Variants in OTC observed in about 807,000 individuals in gnomAD.
The protein encoded by OTC is ornithine transcarbamylase, also known as ornithine transcarbamylase, mitochondrial.
A neutral mutation model predicts 30.3 loss-of-function variants in OTC; 3 were observed. The observed-to-expected ratio is 0.10, with a 90% CI of 0.05 to 0.26. OTC has a LOEUF of 0.26. OTC is among the 10% of genes least tolerant of loss of function. The probability of loss-of-function intolerance (pLI) is 1.00; values close to 1 mark genes in which losing one functional copy is unlikely to be tolerated. For synonymous variants in OTC, 111 were observed against 99.7 expected, an observed-to-expected ratio of 1.11 and a Z score of -0.67; for missense variants, 194 against 260.3, an observed-to-expected ratio of 0.75 and a Z score of 1.75.
At chrX:38,379,940 A>C (rs958716976) in intron 3 of OTC, among the ~76,000 whole-genome samples, 23 of 112,220 alleles carry the variant, frequency 2.0e-4, no homozygotes, top group Non-Finnish European at 5.6e-5. Context: ...AGATTAGCAT[A>C]ATGAGCATAC....
chrX:38,339,705 C>T, the OTC span, among the ~76,000 whole-genome samples: 1 of 110,723 alleles, frequency 9.0e-6, no homozygotes, highest in East Asian at 2.8e-4. Context: ...TACCCTTTAA[C>T]GTTTTATGTT....
chrX:38,394,849 A>G (rs1284268886), intron 4 of OTC, among the ~76,000 whole-genome samples: 1 of 109,900 alleles, frequency 9.1e-6, no homozygotes, highest in Non-Finnish European at 1.9e-5. Flanking sequence ...CTTGGGCACA[A>G]TGTACATACG....
rs111577371 is a variant in OTC at position 38,376,249 on chromosome X, A to T, written c.299-5093A>T. On this transcript the variant is annotated intron_variant, in intron 3 of 9. Coordinates refer to ENST00000039007, the MANE Select transcript of OTC (RefSeq NM_000531.6). ...GCTTTGCTGCAAAGGGGAGCAAACAATTAAAGGAATACTTGTCAGGGAAAT... is the reference window on the plus strand; with the variant it reads ...GCTTTGCTGCAAAGGGGAGCAAACATTTAAAGGAATACTTGTCAGGGAAAT... Among the ~76,000 whole-genome samples the T allele has an allele frequency of 7.4e-3, 827 of 111,924 alleles. 6 individuals are homozygous for T. Among genetic ancestry groups the T allele is most frequent in the Middle Eastern group, 0.018 (4 of 218 alleles).
intron 8 of OTC, among the ~76,000 whole-genome samples, chrX:38,409,302 T>G (rs2068531871): frequency 8.9e-6 from 1 of 111,901 alleles, no homozygotes; most frequent in Non-Finnish European, 1.9e-5. Context: ...GTTTTACTCT[T>G]TGTGTGTTTA....
chrX:38,360,227 C>A (rs1038997134), intron 1 of OTC, among the ~76,000 whole-genome samples: 1 of 111,235 alleles, frequency 9.0e-6, no homozygotes, highest in African/African-American at 3.3e-5. Context: ...TGCCTGAATT[C>A]TTTCTTATAC....
intron 4 of OTC, among the ~76,000 whole-genome samples, chrX:38,386,857 T>A (rs1438682084): frequency 8.9e-6 from 1 of 112,322 alleles, no homozygotes; most frequent in Non-Finnish European, 1.9e-5. Flanking sequence ...TATGTTCAAT[T>A]TTTCAAGGAA....
At chrX:38,391,693 G>T (rs1336880764) in intron 4 of OTC, among the ~76,000 whole-genome samples, 1 of 110,946 alleles carries the variant, frequency 9.0e-6, no homozygotes, top group Non-Finnish European at 1.9e-5. Context: ...GGGTCATTTT[G>T]ACCTAACTCC....
the OTC span, among the ~76,000 whole-genome samples, chrX:38,344,242 C>T: frequency 1.2e-3 from 64 of 51,581 alleles, 1 homozygote; most frequent in Non-Finnish European, 2.0e-3. Flanking sequence ...TATATATATA[C>T]ACACACACAC....
chrX:38,399,935 C>A (rs2068476513), intron 4 of OTC, among the ~76,000 whole-genome samples: 1 of 111,061 alleles, frequency 9.0e-6, no homozygotes, highest in Non-Finnish European at 1.9e-5. Context: ...AAATCTCTAT[C>A]CCCACTGACC....
At chrX:38,358,284 CCTGTGTCAGAA>C (rs1569271757) in intron 1 of OTC, among the ~76,000 whole-genome samples, 17 of 110,356 alleles carry the variant, frequency 1.5e-4, no homozygotes, top group Non-Finnish European at 3.2e-4. Flanking sequence ...AAAAAGGAGG[CCTGTGTCAGAA>C]CTGTTTTAAT....
At chrX:38,418,614 T>A (rs1602037804) in intron 9 of OTC, among the ~76,000 whole-genome samples, 1 of 112,049 alleles carries the variant, frequency 8.9e-6, no homozygotes, top group Non-Finnish European at 1.9e-5. Flanking sequence ...GGATTGTAGC[T>A]CCCATAATTC....
intron 4 of OTC, among the ~76,000 whole-genome samples, chrX:38,386,097 C>T (rs754151372): frequency 2.9e-5 from 3 of 101,914 alleles, no homozygotes; most frequent in South Asian, 4.5e-4. Context: ...AAAAAAAGGC[C>T]GATGCAGTGG....
the OTC span, among the ~76,000 whole-genome samples, chrX:38,337,458 T>C: frequency 4.5e-5 from 5 of 111,823 alleles, no homozygotes; most frequent in Non-Finnish European, 9.4e-5. Context: ...GCCTCCAGTC[T>C]CTAATCTTGT....
the OTC span, among the ~76,000 whole-genome samples, chrX:38,344,244 C>T: frequency 1.3e-5 from 1 of 76,473 alleles, no homozygotes; most frequent in Non-Finnish European, 3.2e-5. Flanking sequence ...TATATATACA[C>T]ACACACACAC....
rs775950421 is a variant in OTC, at chrX:38,408,812, T to G, written c.717+17T>G. 6.6e-6 allele frequency: 8 copies of G among 1,206,275 alleles called. No individual in the cohort carries two copies. The Admixed American group carries it at 1.7e-4, about 26-fold the overall frequency. The stretch of plus-strand genomic sequence containing the variant: ...GCCAAAGAGGTATGCTCTTTACATG[T>G]AAAGCTATTATTGCCTTTTACTGTC... On this transcript the variant is annotated intron_variant, in intron 7 of 9. Transcript: ENST00000039007.
intron 1 of OTC, among the ~76,000 whole-genome samples, chrX:38,356,599 C>T (rs1300472745): frequency 9.0e-6 from 1 of 111,545 alleles, no homozygotes. Context: ...AGGTGCAGTG[C>T]GAACTTCCCC....
At chrX:38,421,871 C>T (rs1241087456), downstream of OTC, among the ~76,000 whole-genome samples, 2 of 111,537 alleles carry the variant, frequency 1.8e-5, no homozygotes, top group Non-Finnish European at 3.8e-5. Flanking sequence ...CTACTCACAC[C>T]ATATGCTGAA....
intron 4 of OTC, among the ~76,000 whole-genome samples, chrX:38,399,190 A>G (rs1005236774): frequency 9.0e-6 from 1 of 110,845 alleles, no homozygotes; most frequent in Non-Finnish European, 1.9e-5. Flanking sequence ...CAAATGAATC[A>G]CCTGGAAACC....
In OTC at chrX:38,400,311, T is replaced by C. The variant is rs12011670; in HGVS notation, c.387-964T>C. ...CTTTAAGTCTAGAAAAATATTGTTA[T>C]AGGAATATAGTTTTTAATCTTTGAT... On this transcript the variant is annotated intron_variant, in intron 4 of 9. Transcript: ENST00000039007. Among the ~76,000 whole-genome samples, 676 of 111,665 alleles carry C rather than the reference T, an allele frequency of 6.1e-3. 4 individuals are homozygous for C. Among genetic ancestry groups the C allele is most frequent in the African/African-American group, 0.021 (642 of 30,742 alleles).
Sources: gnomAD v4.1 joint callset for allele counts (sites outside exome capture counted in the v4.1 genomes callset) on GRCh38, gnomAD v4.1.1 for gene constraint, MANE v1.5 for transcripts, NCBI Gene and HGNC (gene_info 2026-07-23, HGNC 2026-07-21) for gene names.